The following PTPRT variants were observed in gnomAD, a reference collection of about 807,000 sequenced individuals.
PTPRT encodes the protein receptor-type tyrosine-protein phosphatase T.
A neutral mutation model predicts 176.8 loss-of-function variants in PTPRT; 56 were observed. That is an observed-to-expected ratio of 0.32 (90% CI 0.26 to 0.40). The LOEUF (loss-of-function observed/expected upper bound fraction) is 0.40, where lower values mean the gene tolerates loss of function less well. Among genes scored for constraint, PTPRT ranks in the 10% least tolerant of loss-of-function variants. The pLI, the probability that PTPRT is intolerant of heterozygous loss-of-function variation, is 1.00. For synonymous variants in PTPRT, 783 were observed against 739.0 expected, an observed-to-expected ratio of 1.06 and a Z score of -0.96; for missense variants, 1,540 against 1,908.2, an observed-to-expected ratio of 0.81 and a Z score of 3.60.
At chr20:42,959,475 C>T (rs1002823001) in intron 1 of PTPRT, among the ~76,000 whole-genome samples, 5 of 152,162 alleles carry the variant, frequency 3.3e-5, no homozygotes, top group Admixed American at 1.3e-4. Flanking sequence ...TGCATCATCT[C>T]ATTTAATTCA....
At chr20:42,429,570 C>T (rs1230439579) in intron 9 of PTPRT, among the ~76,000 whole-genome samples, 1 of 152,136 alleles carries the variant, frequency 6.6e-6, no homozygotes, top group African/African-American at 2.4e-5. Context: ...ATGTCTGAGA[C>T]TCAATCTCCT....
chr20:42,228,773 G>A (rs2056073537), intron 15 of PTPRT, among the ~76,000 whole-genome samples: 1 of 152,174 alleles, frequency 6.6e-6, no homozygotes, highest in Non-Finnish European at 1.5e-5. Flanking sequence ...ATCTTATGAT[G>A]CCTGATTTGT....
intron 1 of PTPRT, among the ~76,000 whole-genome samples, chr20:43,024,519 G>A (rs903542730): frequency 2.0e-5 from 3 of 151,520 alleles, no homozygotes; most frequent in South Asian, 2.1e-4. Context: ...GAACCTGGGA[G>A]GTGGAGGTTG....
intron 1 of PTPRT, among the ~76,000 whole-genome samples, chr20:43,148,161 C>T (rs2146414581): frequency 6.6e-6 from 1 of 152,246 alleles, no homozygotes; most frequent in East Asian, 1.9e-4. Flanking sequence ...TTGGCCACAC[C>T]CTCACACCTG....
intron 1 of PTPRT, among the ~76,000 whole-genome samples, chr20:42,924,613 G>A (rs371365185): frequency 6.6e-6 from 1 of 152,212 alleles, no homozygotes; most frequent in Non-Finnish European, 1.5e-5. Context: ...GAAGAAAGCT[G>A]AGCTCACACA....
At chr20:42,896,395 G>C (rs867874110) in intron 1 of PTPRT, among the ~76,000 whole-genome samples, 1 of 152,154 alleles carries the variant, frequency 6.6e-6, no homozygotes, top group Non-Finnish European at 1.5e-5. Flanking sequence ...CCAGCACTTT[G>C]GGAGGCCTAG....
At chr20:42,691,222 A>G (rs541377362) in intron 6 of PTPRT, among the ~76,000 whole-genome samples, 20 of 152,360 alleles carry the variant, frequency 1.3e-4, no homozygotes, top group African/African-American at 4.8e-4. Flanking sequence ...ATAGCAGAAC[A>G]AATATGACAA....
At chr20:42,412,494 T>G (rs1249738082) in intron 9 of PTPRT, among the ~76,000 whole-genome samples, 2 of 152,200 alleles carry the variant, frequency 1.3e-5, no homozygotes, top group Non-Finnish European at 2.9e-5. Context: ...TGGAAAACAG[T>G]TAGGCAGCTT....
At chr20:42,784,792 A>G (rs2077265388) in intron 3 of PTPRT, among the ~76,000 whole-genome samples, 1 of 152,172 alleles carries the variant, frequency 6.6e-6, no homozygotes, top group Non-Finnish European at 1.5e-5. Flanking sequence ...GGGCAAGCAG[A>G]TGGCTGCAAA....
chr20:42,764,779 AG>A (rs1242128986), intron 5 of PTPRT, among the ~76,000 whole-genome samples: 1 of 152,214 alleles, frequency 6.6e-6, no homozygotes, highest in East Asian at 1.9e-4. Flanking sequence ...AGTAAACATC[AG>A]CTGTTAAACA....
chr20:42,742,095 G>C (rs2076620002), intron 6 of PTPRT, among the ~76,000 whole-genome samples: 1 of 152,168 alleles, frequency 6.6e-6, no homozygotes, highest in Non-Finnish European at 1.5e-5. Flanking sequence ...TGTGCTCAGG[G>C]AGAAGGAGCG....
chr20:42,642,994 G>A (rs773382405), intron 7 of PTPRT, among the ~76,000 whole-genome samples: 4 of 152,070 alleles, frequency 2.6e-5, no homozygotes, highest in African/African-American at 4.8e-5. Context: ...CTTCTTCCAC[G>A]AGAAGACACC....
intron 16 of PTPRT, among the ~76,000 whole-genome samples, chr20:42,194,899 C>T (rs1190260393): frequency 6.6e-6 from 1 of 152,062 alleles, no homozygotes; most frequent in Non-Finnish European, 1.5e-5. Context: ...TTAGCAGTCA[C>T]TTGAAATAGA....
intron 9 of PTPRT, among the ~76,000 whole-genome samples, chr20:42,403,481 G>A (rs73906928): frequency 0.031 from 4,687 of 152,204 alleles, 82 homozygotes; most frequent in African/African-American, 0.037. Flanking sequence ...TACATATGAA[G>A]ACAAGGTGAC....
chr20:43,174,120 T>C (rs1452075880), intron 1 of PTPRT, among the ~76,000 whole-genome samples: 2 of 152,190 alleles, frequency 1.3e-5, no homozygotes, highest in African/African-American at 2.4e-5. Flanking sequence ...CAGGACCTAA[T>C]TTTCTCCATA....
intron 1 of PTPRT, among the ~76,000 whole-genome samples, chr20:43,091,166 G>A (rs1321988192): frequency 6.6e-6 from 1 of 152,090 alleles, no homozygotes; most frequent in Non-Finnish European, 1.5e-5. Flanking sequence ...CTGAAAAGCG[G>A]AGGTTGCAGT....
At chr20:42,412,302 A>C (rs951366539) in intron 9 of PTPRT, among the ~76,000 whole-genome samples, 7 of 152,216 alleles carry the variant, frequency 4.6e-5, no homozygotes, top group Non-Finnish European at 8.8e-5. Context: ...AAAGCACATG[A>C]AAAATTCCCA....
intron 15 of PTPRT, among the ~76,000 whole-genome samples, chr20:42,225,279 A>G (rs1297936928): frequency 6.6e-6 from 1 of 152,036 alleles, no homozygotes; most frequent in South Asian, 2.1e-4. Context: ...CCTCCCTCCA[A>G]TATATCAAAC....
At chr20:42,156,822 G>A (rs1474119478) in intron 17 of PTPRT, among the ~76,000 whole-genome samples, 3 of 152,160 alleles carry the variant, frequency 2.0e-5, no homozygotes, top group African/African-American at 4.8e-5. Context: ...CTGAGTCATC[G>A]TTGTCTGTCA....
Sources: gnomAD v4.1 joint callset for allele counts (sites outside exome capture counted in the v4.1 genomes callset) on GRCh38, gnomAD v4.1.1 for gene constraint, MANE v1.5 for transcripts, NCBI Gene and HGNC (gene_info 2026-07-23, HGNC 2026-07-21) for gene names.